Variants in PARN observed in about 807,000 individuals in gnomAD.
The protein encoded by PARN is poly(A)-specific ribonuclease PARN.
Under a neutral mutation model 102.8 loss-of-function variants are expected in PARN, and 71 were observed. That is an observed-to-expected ratio of 0.69 (90% CI 0.57 to 0.84). The LOEUF is 0.84. PARN is among the 40% of genes least tolerant of loss of function. The pLI is 0.00. For missense variants in PARN, 782 were observed against 760.9 expected (o/e 1.03, Z -0.33); for synonymous variants, 261 against 252.9 (o/e 1.03, Z -0.30).
chr16:14,463,695 A>G (rs1161507050), intron 22 of PARN, among the ~76,000 whole-genome samples: 1 of 152,238 alleles, frequency 6.6e-6, no homozygotes, highest in Non-Finnish European at 1.5e-5. Flanking sequence ...TAAAAATTAA[A>G]GAGAGCATCT....
intron 17 of PARN, among the ~76,000 whole-genome samples, chr16:14,581,638 G>A (rs560050868): frequency 5.2e-4 from 79 of 152,290 alleles, no homozygotes; most frequent in African/African-American, 1.8e-3. Flanking sequence ...AGGGTCAGGA[G>A]GCTGGGTGCG....
intron 18 of PARN, among the ~76,000 whole-genome samples, chr16:14,579,776 G>A (rs1038233858): frequency 6.6e-6 from 1 of 152,080 alleles, no homozygotes; most frequent in Non-Finnish European, 1.5e-5. Flanking sequence ...GGGAGTTCGA[G>A]AGAAGCCTAT....
At chr16:14,563,176 GA>G (rs1968182690) in intron 18 of PARN, among the ~76,000 whole-genome samples, 1 of 152,188 alleles carries the variant, frequency 6.6e-6, no homozygotes, top group South Asian at 2.1e-4. Flanking sequence ...CAAAATCACA[GA>G]TTTGATTCAC....
intron 21 of PARN, among the ~76,000 whole-genome samples, chr16:14,525,577 C>G (rs1965953372): frequency 1.3e-5 from 2 of 152,108 alleles, no homozygotes; most frequent in South Asian, 4.1e-4. Context: ...CAGGACCCTT[C>G]CCTCAGCCTG....
intron 21 of PARN, among the ~76,000 whole-genome samples, chr16:14,535,631 A>G (rs12446921): frequency 0.22 from 33,110 of 152,160 alleles, 3,964 homozygotes; most frequent in Middle Eastern, 0.31. Context: ...CCCCTTATCT[A>G]TGATTTTGCT....
In PARN at chr16:14,502,038, A is replaced by C. The variant is rs145307526; in HGVS notation, c.1481-19211T>G. On this transcript the variant is annotated intron_variant, in intron 21 of 23. Transcript: ENST00000437198. The stretch of plus-strand genomic sequence containing the variant: ...TAAAAGAGTTAACAAACATCATATG[A>C]GCAGAAGGCACAATGGAATGAGTGT... Among the ~76,000 whole-genome samples the C allele has an allele frequency of 6.6e-5, 10 of 152,346 alleles. No individual in the cohort carries two copies. The East Asian group carries it at 1.9e-3, about 29-fold the overall frequency.
intron 6 of PARN, among the ~76,000 whole-genome samples, chr16:14,612,233 T>TG (rs1419983852): frequency 1.3e-5 from 2 of 152,026 alleles, no homozygotes; most frequent in Non-Finnish European, 2.9e-5. Context: ...GTTCAAAAGA[T>TG]GGAGACCAGC....
At chr16:14,523,768 G>A (rs1453413811) in intron 21 of PARN, among the ~76,000 whole-genome samples, 1 of 152,088 alleles carries the variant, frequency 6.6e-6, no homozygotes, top group African/African-American at 2.4e-5. Flanking sequence ...GGACATAAAG[G>A]GCTCAGTCAT....
chr16:14,502,714 G>A (rs1964687550), intron 21 of PARN, among the ~76,000 whole-genome samples: 1 of 152,198 alleles, frequency 6.6e-6, no homozygotes, highest in Non-Finnish European at 1.5e-5. Context: ...CTCTGTGCCT[G>A]TCCTCTGGTC....
At chr16:14,588,440 A>G (rs1297306458) in intron 13 of PARN, among the ~76,000 whole-genome samples, 1 of 152,228 alleles carries the variant, frequency 6.6e-6, no homozygotes, top group Non-Finnish European at 1.5e-5. Flanking sequence ...AGAAGATTAC[A>G]AAACTGGCAG....
intron 21 of PARN, among the ~76,000 whole-genome samples, chr16:14,540,157 T>C (rs916779757): frequency 6.6e-6 from 1 of 152,190 alleles, no homozygotes; most frequent in Non-Finnish European, 1.5e-5. Context: ...AAAAATCATA[T>C]ATCCTCCTCC....
intron 13 of PARN, among the ~76,000 whole-genome samples, chr16:14,592,595 G>A (rs1248209059): frequency 6.6e-6 from 1 of 152,182 alleles, no homozygotes; most frequent in African/African-American, 2.4e-5. Context: ...ACTGAGGTCA[G>A]CAGAGAATCT....
chr16:14,621,872 T>C (rs923919634), intron 5 of PARN, among the ~76,000 whole-genome samples: 1 of 151,380 alleles, frequency 6.6e-6, no homozygotes, highest in Non-Finnish European at 1.5e-5. Context: ...CTACCTTTGA[T>C]TTGTCATAAA....
chr16:14,497,520 T>C (rs1964380168), intron 21 of PARN, among the ~76,000 whole-genome samples: 1 of 152,230 alleles, frequency 6.6e-6, no homozygotes, highest in African/African-American at 2.4e-5. Flanking sequence ...CTTTTGGACC[T>C]AGCTAACTTT....
intron 21 of PARN, among the ~76,000 whole-genome samples, chr16:14,507,500 C>T (rs1304707248): frequency 6.6e-6 from 1 of 151,450 alleles, no homozygotes; most frequent in African/African-American, 2.4e-5. Flanking sequence ...AGTATGAGAC[C>T]GACCTGGCCA....
intron 21 of PARN, among the ~76,000 whole-genome samples, chr16:14,519,605 T>C (rs1043999356): frequency 1.3e-5 from 2 of 152,136 alleles, no homozygotes; most frequent in Non-Finnish European, 2.9e-5. Context: ...CTCAAGAGGT[T>C]CTGATTTGCA....
At chr16:14,561,185 G>A (rs923064226) in intron 18 of PARN, among the ~76,000 whole-genome samples, 4 of 151,476 alleles carry the variant, frequency 2.6e-5, no homozygotes, top group African/African-American at 7.3e-5. Context: ...AGAAAAGGGC[G>A]GGATGACACT....
At chr16:14,585,676 T>C (rs1163828603) in intron 14 of PARN, among the ~76,000 whole-genome samples, 2 of 152,170 alleles carry the variant, frequency 1.3e-5, no homozygotes, top group Non-Finnish European at 2.9e-5. Flanking sequence ...TCTTGAACAC[T>C]CTCAATTGGA....
At chr16:14,618,560 C>G (rs972939938) in intron 5 of PARN, among the ~76,000 whole-genome samples, 1 of 149,510 alleles carries the variant, frequency 6.7e-6, no homozygotes, top group Non-Finnish European at 1.5e-5. Flanking sequence ...ACTCAGGAGG[C>G]TGAGGCAGGA....
Sources: gnomAD v4.1 joint callset for allele counts (sites outside exome capture counted in the v4.1 genomes callset) on GRCh38, gnomAD v4.1.1 for gene constraint, MANE v1.5 for transcripts, NCBI Gene and HGNC (gene_info 2026-07-23, HGNC 2026-07-21) for gene names.